The following PHACTR4 variants were observed in gnomAD, a reference collection of about 807,000 sequenced individuals.
PHACTR4 encodes protein phosphatase 1, regulatory subunit 124.
In PHACTR4, 51 loss-of-function variants were observed where a neutral mutation model predicts 72.7. The observed-to-expected ratio is 0.70, with a 90% CI of 0.56 to 0.89. PHACTR4 has a LOEUF of 0.89. Among genes scored for constraint, PHACTR4 ranks in the 40% least tolerant of loss-of-function variants. The pLI, the probability that PHACTR4 is intolerant of heterozygous loss-of-function variation, is 0.00. For missense variants in PHACTR4, 731 were observed against 861.8 expected, an observed-to-expected ratio of 0.85 and a Z score of 1.90; for synonymous variants, 255 against 302.5, an observed-to-expected ratio of 0.84 and a Z score of 1.63.
At chr1:28,413,978 A>C (rs1362946658) in intron 2 of PHACTR4, among the ~76,000 whole-genome samples, 1 of 152,226 alleles carries the variant, frequency 6.6e-6, no homozygotes. Flanking sequence ...GGGGTGAAGA[A>C]AACTGACTGA....
At chr1:28,471,940 G>A (rs1171870556) in intron 6 of PHACTR4, among the ~76,000 whole-genome samples, 5 of 151,936 alleles carry the variant, frequency 3.3e-5, no homozygotes, top group Non-Finnish European at 7.4e-5. Flanking sequence ...GGCCGGGCGC[G>A]GTGGCTCACG....
chr1:28,440,069 A>T (rs1656894991), intron 2 of PHACTR4, among the ~76,000 whole-genome samples: 1 of 152,066 alleles, frequency 6.6e-6, no homozygotes, highest in Non-Finnish European at 1.5e-5. Context: ...TGGGAGGCCG[A>T]GGCAGGCGGA....
chr1:28,499,587 C>G lies in PHACTR4; in HGVS notation c.*3038C>G, dbSNP rs1252878467. Reference sequence around the variant, plus strand: ...CTCTGCCTCCCAGGCTCAAGCAATCCTCCCACTTCAGTCTAAGTAGCTGGG... The same window carrying G: ...CTCTGCCTCCCAGGCTCAAGCAATCGTCCCACTTCAGTCTAAGTAGCTGGG... On this transcript the variant is annotated 3_prime_UTR_variant, in exon 14 of 14. Coordinates refer to ENST00000373839, the MANE Select transcript of PHACTR4 (RefSeq NM_001048183.3). 2 of 152,242 alleles carry G rather than the reference C, an allele frequency of 1.3e-5. No homozygotes were observed. The highest frequency in any genetic ancestry group is 6.6e-5 in the Admixed American group (1 of 15,252). 9.4% of individuals were successfully genotyped at this position (152,242 alleles called of 1,614,324 possible). A position where few individuals can be genotyped will look rare whatever the true frequency, so the allele number is the denominator to read the frequency against.
chr1:28,423,143 C>T (rs1000206828), intron 2 of PHACTR4, among the ~76,000 whole-genome samples: 1 of 150,556 alleles, frequency 6.6e-6, no homozygotes, highest in African/African-American at 2.4e-5. Context: ...CTGGGCATGG[C>T]GGCTCATGCC....
intron 1 of PHACTR4, among the ~76,000 whole-genome samples, chr1:28,380,588 T>A (rs1332744602): frequency 6.6e-6 from 1 of 152,166 alleles, no homozygotes; most frequent in Non-Finnish European, 1.5e-5. Flanking sequence ...ATTTGGAACA[T>A]GTGATATTTG....
intron 1 of PHACTR4, among the ~76,000 whole-genome samples, chr1:28,382,020 G>T (rs1652212218): frequency 6.6e-6 from 1 of 150,696 alleles, no homozygotes; most frequent in East Asian, 2.0e-4. Flanking sequence ...CACCTGCCTT[G>T]GCCTCCCAAA....
At chr1:28,408,086 C>G (rs1410014209) in intron 2 of PHACTR4, among the ~76,000 whole-genome samples, 1 of 152,230 alleles carries the variant, frequency 6.6e-6, no homozygotes, top group African/African-American at 2.4e-5. Context: ...CGCCACTGCG[C>G]TCCATCCTGG....
rs370951576 is a variant in PHACTR4 at position 28,451,460 on chromosome 1, C to G, written c.17-7625C>G. Among the ~76,000 whole-genome samples, 8 of 145,186 alleles carry G rather than the reference C, an allele frequency of 5.5e-5. No homozygotes were observed. In the East Asian group the frequency reaches 1.4e-3, roughly 26 times the overall value. On this transcript the variant is annotated intron_variant, in intron 2 of 13. Coordinates refer to ENST00000373839, the MANE Select transcript of PHACTR4 (RefSeq NM_001048183.3). ...CAGGCTGGAGTGCAGTGGCTATTCACAGGTGCAATGATACATATCACAATA... is the reference window on the plus strand; with the variant it reads ...CAGGCTGGAGTGCAGTGGCTATTCAGAGGTGCAATGATACATATCACAATA...
At chr1:28,400,601 A>T (rs1653872216) in intron 1 of PHACTR4, among the ~76,000 whole-genome samples, 1 of 151,220 alleles carries the variant, frequency 6.6e-6, no homozygotes, top group Non-Finnish European at 1.5e-5. Flanking sequence ...TTTTTTTGAG[A>T]TGGAGTCTCA....
intron 6 of PHACTR4, among the ~76,000 whole-genome samples, chr1:28,471,184 C>T (rs1011853775): frequency 6.6e-6 from 1 of 151,932 alleles, no homozygotes; most frequent in African/African-American, 2.4e-5. Context: ...CCCATCTCTA[C>T]TAAAAATACA....
intron 2 of PHACTR4, among the ~76,000 whole-genome samples, chr1:28,414,617 A>G (rs772951943): frequency 6.6e-6 from 1 of 151,798 alleles, no homozygotes; most frequent in Non-Finnish European, 1.5e-5. Context: ...GGCTCAAGTG[A>G]TTCTCCCACC....
In PHACTR4 at chr1:28,472,039, G is replaced by A. The variant is rs147927156; in HGVS notation, c.824-1515G>A. Among the ~76,000 whole-genome samples, 15 of 151,986 alleles carry A rather than the reference G, an allele frequency of 9.9e-5. No homozygotes were observed. In the East Asian group the frequency reaches 2.1e-3, roughly 22 times the overall value. On this transcript the variant is annotated intron_variant, in intron 6 of 13. Coordinates refer to ENST00000373839, the MANE Select transcript of PHACTR4 (RefSeq NM_001048183.3). Reference sequence around the variant, plus strand: ...ATCCTGGCTAACATGATGAAACCCCGTCTTTACTAAAAATACACAAAAAAT... The same window carrying A: ...ATCCTGGCTAACATGATGAAACCCCATCTTTACTAAAAATACACAAAAAAT...
At chr1:28,459,373 A>T in intron 3 of PHACTR4, 115 bp downstream of exon 3, 2 of 806,070 alleles carry the variant, frequency 2.5e-6, no homozygotes, top group Non-Finnish European at 3.7e-6. Context: ...GAGGGTATTT[A>T]ATGTTTTATT....
rs780028378 is a variant in PHACTR4 at position 28,487,727 on chromosome 1, G to GTTTTTTTTTTTTTTTT, written c.1761-1432_1761-1417dup. Among the ~76,000 whole-genome samples, 6 of 63,306 alleles carry GTTTTTTTTTTTTTTTT rather than the reference G, an allele frequency of 9.5e-5. 1 individual carries two copies. The highest frequency in any genetic ancestry group is 3.3e-4 in the African/African-American group (6 of 17,968). The allele number at this position is 63,306 out of a possible 152,430, so 41.5% of individuals were successfully genotyped here. A position where few individuals can be genotyped will look rare whatever the true frequency, so the allele number is the denominator to read the frequency against. ...AAATGACAAATTGTAGTTTTTTGTT[G>GTTTTTTTTTTTTTTTT]TTTTTTTTTTTTTTTTTTTTTTTTT... On this transcript the variant is annotated intron_variant, in intron 9 of 13. Transcript: ENST00000373839.
chr1:28,447,878 A>C (rs1657595553), intron 2 of PHACTR4, among the ~76,000 whole-genome samples: 1 of 152,172 alleles, frequency 6.6e-6, no homozygotes, highest in South Asian at 2.1e-4. Flanking sequence ...GATCTATGCA[A>C]TATTTCCACA....
chr1:28,421,380 C>T lies in PHACTR4; in HGVS notation c.16+13917C>T, dbSNP rs183326570. Among the ~76,000 whole-genome samples, 24 of 151,068 alleles carry T rather than the reference C, an allele frequency of 1.6e-4. No individual in the cohort carries two copies. The East Asian group carries it at 4.3e-3, about 27-fold the overall frequency. On this transcript the variant is annotated intron_variant, in intron 2 of 13. Coordinates refer to ENST00000373839, the MANE Select transcript of PHACTR4 (RefSeq NM_001048183.3). ...TGGCCTCTAATCCTCGTTGAAGATT[C>T]GTGGGTTTTTTTGTTTTTTTTTTTT...
chr1:28,489,223 A>G lies in PHACTR4; in HGVS notation c.1814A>G (p.Gln605Arg). Residue 605 changes from glutamine to arginine, a missense_variant and splice_region_variant, in exon 10 of 14, where the codon CAA becomes CGA. Coordinates refer to ENST00000373839, the MANE Select transcript of PHACTR4 (RefSeq NM_001048183.3). The stretch of plus-strand genomic sequence containing the variant: ...GAACTAGAACAACGCAATATATTGC[A>G]ACGTGAGTCCAGTTATGGAAATAAA... Reference protein sequence around the residue: ...PEELEQRNILQPKNEADRQAE... With the variant: ...PEELEQRNILRPKNEADRQAE... 6.2e-7 allele frequency: 1 copy of G among 1,610,470 alleles called. No homozygotes were observed. Among genetic ancestry groups the G allele is most frequent in the Non-Finnish European group, 8.5e-7 (1 of 1,177,346 alleles).
chr1:28,458,479 A>G (rs1658567734), intron 2 of PHACTR4, among the ~76,000 whole-genome samples: 2 of 152,056 alleles, frequency 1.3e-5, no homozygotes, highest in African/African-American at 4.8e-5. Flanking sequence ...ACTATGGTAA[A>G]CAAATTGGAA....
At chr1:28,422,861 A>G (rs1410478457) in intron 2 of PHACTR4, among the ~76,000 whole-genome samples, 1 of 152,120 alleles carries the variant, frequency 6.6e-6, no homozygotes, top group Non-Finnish European at 1.5e-5. Flanking sequence ...ATCTCAGCTC[A>G]CTGCAACCTT....
Sources: gnomAD v4.1 joint callset for allele counts (sites outside exome capture counted in the v4.1 genomes callset) on GRCh38, gnomAD v4.1.1 for gene constraint, MANE v1.5 for transcripts, NCBI Gene and HGNC (gene_info 2026-07-23, HGNC 2026-07-21) for gene names.